CSMD1: variants seen among roughly 807,000 people sequenced by gnomAD.
CSMD1 encodes the protein CUB and sushi domain-containing protein 1.
Under a neutral mutation model 417.5 loss-of-function variants are expected in CSMD1, and 213 were observed. The ratio of observed to expected loss-of-function variants is 0.51; its 90% confidence interval spans 0.46 to 0.57. CSMD1 has a LOEUF of 0.57. CSMD1 is among the 20% of genes least tolerant of loss of function. The probability of loss-of-function intolerance (pLI) is 0.00; values close to 1 mark genes in which losing one functional copy is unlikely to be tolerated. For missense variants in CSMD1, 6,923 were observed against 4,529.7 expected, an observed-to-expected ratio of 1.53 and a Z score of -15.17; for synonymous variants, 2,862 against 1,736.8, an observed-to-expected ratio of 1.65 and a Z score of -16.11.
At chr8:4,253,713 C>T (rs990585014) in intron 3 of CSMD1, among the ~76,000 whole-genome samples, 1 of 151,480 alleles carries the variant, frequency 6.6e-6, no homozygotes. Flanking sequence ...CTAAGTAATG[C>T]TTAACTACAC....
chr8:3,026,109 G>T (rs1368658204), intron 51 of CSMD1, among the ~76,000 whole-genome samples: 4 of 152,082 alleles, frequency 2.6e-5, no homozygotes, highest in African/African-American at 9.7e-5. Context: ...AGATGATTTG[G>T]ATGGGAACAG....
At chr8:4,828,481 T>A (rs761887629) in intron 1 of CSMD1, among the ~76,000 whole-genome samples, 1 of 152,132 alleles carries the variant, frequency 6.6e-6, no homozygotes, top group Non-Finnish European at 1.5e-5. Context: ...TGCTGTTTTC[T>A]GAGTGTCTTG....
At chr8:3,825,251 C>G (rs946021187) in intron 5 of CSMD1, among the ~76,000 whole-genome samples, 2 of 152,036 alleles carry the variant, frequency 1.3e-5, no homozygotes, top group East Asian at 3.9e-4. Context: ...CTTGAGAGGC[C>G]GGGTGTGGTG....
chr8:4,669,539 G>A (rs536841641), intron 1 of CSMD1, among the ~76,000 whole-genome samples: 44 of 152,138 alleles, frequency 2.9e-4, no homozygotes, highest in Non-Finnish European at 5.6e-4. Flanking sequence ...ACATATCAAT[G>A]AGAATTTTCA....
intron 7 of CSMD1, among the ~76,000 whole-genome samples, chr8:3,679,885 T>G (rs1286140626): frequency 6.6e-6 from 1 of 152,050 alleles, no homozygotes; most frequent in Non-Finnish European, 1.5e-5. Context: ...AGAAACTCAC[T>G]CAAAACCACA....
chr8:3,272,838 CAG>C (rs1197482322), intron 26 of CSMD1, among the ~76,000 whole-genome samples: 1 of 150,490 alleles, frequency 6.6e-6, no homozygotes, highest in Non-Finnish European at 1.5e-5. Context: ...TGGGCTGAGA[CAG>C]TGGGGTTTTC....
At chr8:4,067,849 T>A (rs759359648) in intron 3 of CSMD1, among the ~76,000 whole-genome samples, 1 of 152,014 alleles carries the variant, frequency 6.6e-6, no homozygotes, top group Non-Finnish European at 1.5e-5. Context: ...GAGGCCGAGG[T>A]GGGCGGATCA....
At chr8:3,454,494 T>G (rs1242201836) in intron 12 of CSMD1, among the ~76,000 whole-genome samples, 1 of 152,304 alleles carries the variant, frequency 6.6e-6, no homozygotes, top group African/African-American at 2.4e-5. Context: ...AGGAGCTCTT[T>G]TAGGGCAGGA....
At chr8:3,678,932 A>T (rs1799515700) in intron 7 of CSMD1, among the ~76,000 whole-genome samples, 2 of 152,184 alleles carry the variant, frequency 1.3e-5, no homozygotes, top group Non-Finnish European at 2.9e-5. Flanking sequence ...ATATCCAGCC[A>T]AATTAAGCTT....
intron 5 of CSMD1, among the ~76,000 whole-genome samples, chr8:3,905,183 A>C (rs1038513545): frequency 3.3e-5 from 5 of 152,204 alleles, no homozygotes; most frequent in African/African-American, 9.7e-5. Flanking sequence ...ACATAGAAAA[A>C]ATATGTTCAT....
chr8:4,484,129 A>T (rs1801243274), intron 2 of CSMD1, among the ~76,000 whole-genome samples: 2 of 151,944 alleles, frequency 1.3e-5, no homozygotes, highest in African/African-American at 4.8e-5. Context: ...GTTCCACAAC[A>T]AAGGCTAGAA....
At chr8:4,000,891 A>C (rs1815619077) in intron 4 of CSMD1, among the ~76,000 whole-genome samples, 1 of 152,116 alleles carries the variant, frequency 6.6e-6, no homozygotes, top group African/African-American at 2.4e-5. Context: ...AGATGTGTGG[A>C]ATTAAAAGAA....
chr8:4,235,866 G>A (rs1383890797), intron 3 of CSMD1, among the ~76,000 whole-genome samples: 4 of 152,220 alleles, frequency 2.6e-5, no homozygotes, highest in East Asian at 1.9e-4. Context: ...GATTCTAACT[G>A]AGGAATAGCG....
chr8:4,360,188 C>T (rs1293738628), intron 3 of CSMD1, among the ~76,000 whole-genome samples: 2 of 152,116 alleles, frequency 1.3e-5, no homozygotes, highest in Non-Finnish European at 2.9e-5. Flanking sequence ...ACCGAGTAAA[C>T]GCGTGGCATT....
At position 4,323,588 on chromosome 8, in the gene CSMD1, G is replaced by A. The variant is rs144631952; in HGVS notation, c.415+96365C>T. 4.3e-3 allele frequency among the ~76,000 whole-genome samples: 655 copies of A among 152,190 alleles called. 5 individuals are homozygous for A. The highest frequency in any genetic ancestry group is 7.7e-3 in the Non-Finnish European group (523 of 68,010). ...TATCTGCTTTCCAAGGTGTTTGAGT[G>A]GCTGATACCCAAAGTCAACAGTGCG... is the stretch of plus-strand genomic sequence containing the variant. On this transcript the variant is annotated intron_variant, in intron 3 of 69. Transcript: ENST00000635120.
intron 33 of CSMD1, 51 bp from the exon 34 acceptor site, chr8:3,190,166 G>C (rs1374349453): frequency 1.6e-5 from 23 of 1,471,684 alleles, no homozygotes; most frequent in Non-Finnish European, 2.0e-5. Context: ...CAGCAAGCCA[G>C]GACGTTGCGT....
At chr8:3,822,135 C>T (rs770671731) in intron 5 of CSMD1, among the ~76,000 whole-genome samples, 4 of 152,032 alleles carry the variant, frequency 2.6e-5, no homozygotes, top group Admixed American at 6.6e-5. Flanking sequence ...TCTTTAAGAG[C>T]AAAGACGGAA....
chr8:4,800,430 C>T (rs1254208534), intron 1 of CSMD1, among the ~76,000 whole-genome samples: 1 of 133,040 alleles, frequency 7.5e-6, no homozygotes, highest in Non-Finnish European at 1.6e-5. Flanking sequence ...AAGAGCAAGA[C>T]TTCATCTCAA....
intron 4 of CSMD1, among the ~76,000 whole-genome samples, chr8:4,028,834 G>C (rs1178196551): frequency 2.0e-5 from 3 of 152,208 alleles, no homozygotes; most frequent in East Asian, 1.9e-4. Context: ...TAAATGTTAG[G>C]TATGCTTTTA....
Sources: gnomAD v4.1 joint callset for allele counts (sites outside exome capture counted in the v4.1 genomes callset) on GRCh38, gnomAD v4.1.1 for gene constraint, MANE v1.5 for transcripts, NCBI Gene and HGNC (gene_info 2026-07-23, HGNC 2026-07-21) for gene names.